The following PTPRT variants were observed in gnomAD, a reference collection of about 807,000 sequenced individuals.
PTPRT encodes protein tyrosine phosphatase receptor type T.
Under a neutral mutation model 176.8 loss-of-function variants are expected in PTPRT, and 56 were observed. That is an observed-to-expected ratio of 0.32 (90% CI 0.26 to 0.40). The LOEUF (loss-of-function observed/expected upper bound fraction) is 0.40. Ranked by LOEUF, PTPRT falls within the 10% of genes least tolerant of loss-of-function variation. The probability of loss-of-function intolerance (pLI) is 1.00; values close to 1 mark genes in which losing one functional copy is unlikely to be tolerated. For synonymous variants in PTPRT, 783 were observed against 739.0 expected, an observed-to-expected ratio of 1.06 and a Z score of -0.96; for missense variants, 1,540 against 1,908.2, an observed-to-expected ratio of 0.81 and a Z score of 3.60.
intron 30 of PTPRT, among the ~76,000 whole-genome samples, chr20:42,081,569 A>C (rs1017627531): frequency 2.6e-5 from 4 of 152,244 alleles, no homozygotes; most frequent in African/African-American, 9.6e-5. Flanking sequence ...AATTGAAAAC[A>C]TACTTCACAT....
chr20:42,491,617 C>T (rs78435654), intron 7 of PTPRT, among the ~76,000 whole-genome samples: 3,763 of 152,196 alleles, frequency 0.025, 122 homozygotes, highest in African/African-American at 0.07. Context: ...AAGGACACAG[C>T]GTTTGTCCAC....
At chr20:42,463,119 T>C (rs530649197) in intron 8 of PTPRT, among the ~76,000 whole-genome samples, 1 of 152,218 alleles carries the variant, frequency 6.6e-6, no homozygotes, top group South Asian at 2.1e-4. Context: ...CACATTACCA[T>C]TCCATAGTCA....
At chr20:43,172,882 T>C (rs1341021119) in intron 1 of PTPRT, among the ~76,000 whole-genome samples, 2 of 150,482 alleles carry the variant, frequency 1.3e-5, no homozygotes, top group Non-Finnish European at 3.0e-5. Flanking sequence ...TTTTTTTTTT[T>C]TTTTTTTGAG....
intron 7 of PTPRT, among the ~76,000 whole-genome samples, chr20:42,478,016 C>A (rs554779197): frequency 1.3e-5 from 2 of 151,844 alleles, no homozygotes; most frequent in Non-Finnish European, 2.9e-5. Flanking sequence ...TTTATGACCC[C>A]CTAGAATTCC....
chr20:42,326,664 C>A (rs139647575), intron 11 of PTPRT, among the ~76,000 whole-genome samples: 108 of 152,226 alleles, frequency 7.1e-4, no homozygotes, highest in African/African-American at 2.4e-3. Flanking sequence ...ATTTAAAAGA[C>A]TATCTCCAGC....
chr20:42,692,124 G>A (rs973737951), intron 6 of PTPRT, among the ~76,000 whole-genome samples: 1 of 152,090 alleles, frequency 6.6e-6, no homozygotes, highest in African/African-American at 2.4e-5. Flanking sequence ...ACACACAAAA[G>A]GTTTCAATGA....
At chr20:42,393,472 CA>C (rs1188036696) in intron 9 of PTPRT, among the ~76,000 whole-genome samples, 2 of 152,096 alleles carry the variant, frequency 1.3e-5, no homozygotes, top group African/African-American at 4.8e-5. Flanking sequence ...TCATACACCT[CA>C]AACATCTGCT....
chr20:42,375,531 C>G (rs1005748717), intron 9 of PTPRT, among the ~76,000 whole-genome samples: 5 of 152,098 alleles, frequency 3.3e-5, no homozygotes, highest in African/African-American at 1.2e-4. Context: ...GAAGAAGGGA[C>G]TAGGCCCTCA....
At chr20:42,757,052 TAAAAAAAA>T (rs554308907) in intron 5 of PTPRT, among the ~76,000 whole-genome samples, 1,418 of 118,592 alleles carry the variant, frequency 0.012, 34 homozygotes, top group African/African-American at 0.038. Context: ...CCTGCCTCTT[TAAAAAAAA>T]AAAAAAAAAA....
chr20:42,096,057 C>A (rs1985188724), intron 27 of PTPRT, among the ~76,000 whole-genome samples: 1 of 152,222 alleles, frequency 6.6e-6, no homozygotes, highest in Non-Finnish European at 1.5e-5. Context: ...CACCTCCCAC[C>A]TGCACCTGCT....
At chr20:42,906,268 T>A (rs2079476737) in intron 1 of PTPRT, among the ~76,000 whole-genome samples, 1 of 152,118 alleles carries the variant, frequency 6.6e-6, no homozygotes, top group Non-Finnish European at 1.5e-5. Flanking sequence ...CACCAGCAGA[T>A]GCTGGAGGCT....
intron 1 of PTPRT, among the ~76,000 whole-genome samples, chr20:43,002,351 GATAAT>G (rs77367449): frequency 0.19 from 29,083 of 151,986 alleles, 2,830 homozygotes; most frequent in Middle Eastern, 0.21. Context: ...TAATCAGAAA[GATAAT>G]AAGTATTAAC....
At chr20:42,679,920 G>A (rs764563096) in intron 6 of PTPRT, among the ~76,000 whole-genome samples, 3 of 152,146 alleles carry the variant, frequency 2.0e-5, no homozygotes, top group Non-Finnish European at 1.5e-5. Context: ...AACCAACTGC[G>A]AGGAATGGGA....
chr20:42,925,977 G>A (rs1159376914), intron 1 of PTPRT, among the ~76,000 whole-genome samples: 1 of 152,156 alleles, frequency 6.6e-6, no homozygotes, highest in Admixed American at 6.5e-5. Context: ...CTTCACTCCA[G>A]GACTCTTCTG....
At chr20:42,263,051 A>G (rs935617091) in intron 13 of PTPRT, among the ~76,000 whole-genome samples, 1 of 152,176 alleles carries the variant, frequency 6.6e-6, no homozygotes, top group Non-Finnish European at 1.5e-5. Context: ...TACCACTCAC[A>G]TGATCAGTTT....
At chr20:42,428,906 T>C (rs2059191026) in intron 9 of PTPRT, among the ~76,000 whole-genome samples, 1 of 152,120 alleles carries the variant, frequency 6.6e-6, no homozygotes, top group African/African-American at 2.4e-5. Flanking sequence ...ACCCTCTTCA[T>C]TCCAAAACTG....
At chr20:43,123,612 T>C (rs2013346176) in intron 1 of PTPRT, among the ~76,000 whole-genome samples, 1 of 152,202 alleles carries the variant, frequency 6.6e-6, no homozygotes, top group African/African-American at 2.4e-5. Flanking sequence ...CTGGGACCCT[T>C]TCAACTGTAA....
chr20:43,091,224 A>T (rs1001313707), intron 1 of PTPRT, among the ~76,000 whole-genome samples: 1 of 151,950 alleles, frequency 6.6e-6, no homozygotes, highest in East Asian at 1.9e-4. Flanking sequence ...CGGAGATTCC[A>T]TCTCAAAAAA....
chr20:42,583,995 C>T (rs960933402), intron 7 of PTPRT, among the ~76,000 whole-genome samples: 4 of 152,154 alleles, frequency 2.6e-5, no homozygotes, highest in African/African-American at 4.8e-5. Context: ...TATGCAGGCA[C>T]GCCAGTTAAC....
Sources: allele counts gnomAD v4.1 joint callset (sites outside exome capture counted in the v4.1 genomes callset), GRCh38; gene constraint gnomAD v4.1.1; transcripts MANE v1.5; gene names NCBI Gene and HGNC (gene_info 2026-07-23, HGNC 2026-07-21).